Variants in EPB41L4A observed in about 807,000 individuals in gnomAD.
EPB41L4A encodes the protein erythrocyte membrane protein band 4.1 like 4A, also known as band 4.1-like protein 4A.
EPB41L4A carries 100 observed loss-of-function variants against 108.6 expected under a neutral mutation model. That is an observed-to-expected ratio of 0.92 (90% CI 0.78 to 1.09). The LOEUF is 1.09. Among genes scored for constraint, EPB41L4A ranks in the 50% least tolerant of loss-of-function variants. The probability of loss-of-function intolerance (pLI) is 0.00; values close to 1 mark genes in which losing one functional copy is unlikely to be tolerated. For synonymous variants in EPB41L4A, 319 were observed against 289.0 expected, an observed-to-expected ratio of 1.10 and a Z score of -1.05; for missense variants, 1,030 against 842.7, an observed-to-expected ratio of 1.22 and a Z score of -2.75.
chr5:112,195,094 G>T (rs1478638287), intron 16 of EPB41L4A, among the ~76,000 whole-genome samples: 1 of 152,086 alleles, frequency 6.6e-6, no homozygotes, highest in Non-Finnish European at 1.5e-5. Context: ...TGAGGTGGAA[G>T]GGATACTATG....
At chr5:112,306,357 T>C (rs1281816577) in intron 2 of EPB41L4A, among the ~76,000 whole-genome samples, 1 of 152,136 alleles carries the variant, frequency 6.6e-6, no homozygotes, top group Non-Finnish European at 1.5e-5. Context: ...TAGAAAGTTA[T>C]TCCTTTCTAT....
At chr5:112,374,648 C>T (rs1301680298) in intron 1 of EPB41L4A, among the ~76,000 whole-genome samples, 1 of 152,240 alleles carries the variant, frequency 6.6e-6, no homozygotes, top group African/African-American at 2.4e-5. Flanking sequence ...GAGCTCACCA[C>T]AAACGTGTGC....
intron 1 of EPB41L4A, among the ~76,000 whole-genome samples, chr5:112,389,868 C>G (rs1212680617): frequency 3.3e-5 from 5 of 152,170 alleles, no homozygotes; most frequent in Non-Finnish European, 4.4e-5. Flanking sequence ...TTACCACCAC[C>G]TCTTTACAAA....
At chr5:112,276,753 A>G (rs1002489261) in intron 3 of EPB41L4A, among the ~76,000 whole-genome samples, 2 of 152,214 alleles carry the variant, frequency 1.3e-5, no homozygotes, top group Non-Finnish European at 2.9e-5. Context: ...TCATGTATTT[A>G]TAACATATGA....
At chr5:112,293,373 T>TCCCACCCTCC (rs1272018829) in intron 2 of EPB41L4A, among the ~76,000 whole-genome samples, 18 of 98,992 alleles carry the variant, frequency 1.8e-4, no homozygotes, top group African/African-American at 1.2e-3. Flanking sequence ...TCCTTTTAAT[T>TCCCACCCTCC]TAGTTTAATT....
intron 1 of EPB41L4A, among the ~76,000 whole-genome samples, chr5:112,347,349 G>A (rs1397273547): frequency 6.6e-6 from 1 of 152,214 alleles, no homozygotes; most frequent in Non-Finnish European, 1.5e-5. Context: ...GGAAAATGCA[G>A]TAGAATTAGG....
chr5:112,169,182 A>G, intron 20 of EPB41L4A, 77 bp from the exon 21 acceptor site: 4 of 992,304 alleles, frequency 4.0e-6, no homozygotes, highest in South Asian at 1.3e-5. Context: ...TAATATTGAA[A>G]CCGCAAAAGA....
At position 112,303,417 on chromosome 5, in the gene EPB41L4A, T is replaced by C. The variant is rs142262566; in HGVS notation, c.204+3969A>G. Among the ~76,000 whole-genome samples the C allele has an allele frequency of 2.2e-3, 340 of 152,260 alleles. 1 individual carries two copies. Among genetic ancestry groups the C allele is most frequent in the Middle Eastern group, 6.8e-3 (2 of 294 alleles). On this transcript the variant is annotated intron_variant, in intron 2 of 22. Coordinates refer to ENST00000261486, the MANE Select transcript of EPB41L4A (RefSeq NM_022140.5). ...AGGAAATTATCTCAGAGGTAAACAG[T>C]ACTAGCAAAGGTAGCACTAAATGTG...
intron 1 of EPB41L4A, among the ~76,000 whole-genome samples, chr5:112,385,753 A>G (rs909011595): frequency 3.9e-5 from 6 of 152,152 alleles, no homozygotes; most frequent in Non-Finnish European, 8.8e-5. Flanking sequence ...CCTCCCCAAT[A>G]TATTTTTTTA....
At chr5:112,329,583 G>A (rs982060896) in intron 1 of EPB41L4A, among the ~76,000 whole-genome samples, 5 of 152,166 alleles carry the variant, frequency 3.3e-5, no homozygotes, top group African/African-American at 1.2e-4. Flanking sequence ...TGAAGATGCT[G>A]AGACTCCACA....
chr5:112,210,954 G>A (rs1186271701), intron 12 of EPB41L4A, among the ~76,000 whole-genome samples: 2 of 152,078 alleles, frequency 1.3e-5, no homozygotes, highest in African/African-American at 4.8e-5. Flanking sequence ...CACCGAGAAT[G>A]TCATGAAGAT....
chr5:112,261,005 C>T (rs888750295), intron 7 of EPB41L4A, among the ~76,000 whole-genome samples: 1 of 152,122 alleles, frequency 6.6e-6, no homozygotes, highest in Admixed American at 6.5e-5. Context: ...AATGTAGAAG[C>T]ATTTTGCAGA....
intron 1 of EPB41L4A, among the ~76,000 whole-genome samples, chr5:112,352,172 G>A (rs1266109986): frequency 1.3e-5 from 2 of 152,042 alleles, no homozygotes; most frequent in African/African-American, 4.8e-5. Flanking sequence ...CTCATTTTGG[G>A]TTCGGTTTGT....
At chr5:112,304,071 G>T (rs976664901) in intron 2 of EPB41L4A, among the ~76,000 whole-genome samples, 1 of 152,104 alleles carries the variant, frequency 6.6e-6, no homozygotes, top group Non-Finnish European at 1.5e-5. Context: ...GGGTGGTCAA[G>T]AAAGTGGGAA....
intron 11 of EPB41L4A, among the ~76,000 whole-genome samples, chr5:112,238,804 T>C (rs776805876): frequency 5.3e-5 from 8 of 152,226 alleles, no homozygotes; most frequent in African/African-American, 1.7e-4. Flanking sequence ...TACCTAATAC[T>C]ATGCCTTGCA....
In EPB41L4A at chr5:112,176,465, C is replaced by A. The variant is rs7717363; in HGVS notation, c.1623-5473G>T. Among the ~76,000 whole-genome samples, 9 of 151,900 alleles carry A rather than the reference C, an allele frequency of 5.9e-5. No homozygotes were observed. In the East Asian group the frequency reaches 9.7e-4, roughly 16 times the overall value. ...AAAGAGAAATCTTGATTCTCTCCCC[C>A]CCAAAACATTCCTGGCCCATCCCTT... is the stretch of plus-strand genomic sequence containing the variant. On this transcript the variant is annotated intron_variant, in intron 18 of 22. Transcript: ENST00000261486.
At chr5:112,176,281 C>T (rs1043088641) in intron 18 of EPB41L4A, among the ~76,000 whole-genome samples, 3 of 152,190 alleles carry the variant, frequency 2.0e-5, no homozygotes, top group Non-Finnish European at 4.4e-5. Flanking sequence ...TATTAATTGT[C>T]AATCAATCTC....
At chr5:112,419,612 T>C (rs1471702130), upstream of EPB41L4A, 4 of 455,254 alleles carry the variant, frequency 8.8e-6, no homozygotes, top group South Asian at 6.2e-5. Context: ...AGCGCTCGGC[T>C]TTTCTTTTGT....
intron 18 of EPB41L4A, 29 bp from the exon 19 acceptor site, chr5:112,171,021 C>A (rs1160448343): frequency 1.9e-6 from 3 of 1,591,016 alleles, no homozygotes; most frequent in Non-Finnish European, 2.6e-6. Flanking sequence ...ACATTCATCT[C>A]TGCAAACATG....
Sources: gnomAD v4.1 joint callset for allele counts (sites outside exome capture counted in the v4.1 genomes callset) on GRCh38, gnomAD v4.1.1 for gene constraint, MANE v1.5 for transcripts, NCBI Gene and HGNC (gene_info 2026-07-23, HGNC 2026-07-21) for gene names.